The following PLEK variants were observed in gnomAD, a reference collection of about 807,000 sequenced individuals.
PLEK encodes the protein pleckstrin, also known as platelet 47 kDa protein.
A neutral mutation model predicts 43.9 loss-of-function variants in PLEK; 25 were observed. That is an observed-to-expected ratio of 0.57 (90% CI 0.41 to 0.79). The LOEUF (loss-of-function observed/expected upper bound fraction) is 0.79, where lower values mean the gene tolerates loss of function less well. PLEK is among the 30% of genes least tolerant of loss of function. PLEK has a pLI of 0.00. For synonymous variants in PLEK, 152 were observed against 144.4 expected (o/e 1.05, Z -0.38); for missense variants, 396 against 413.3 (o/e 0.96, Z 0.36).
At position 68,382,645 on chromosome 2, in the gene PLEK, T is replaced by C. The variant is rs1403258148; in HGVS notation, c.472+12T>C. On this transcript the variant is annotated intron_variant, in intron 4 of 8. Coordinates refer to ENST00000234313, the MANE Select transcript of PLEK (RefSeq NM_002664.3). ...TCACTGCTTCACAGGTAAAAGCACT[T>C]GCAGGCCTGAAATAGGGCGACTGGG... The C allele has an allele frequency of 6.7e-7, 1 of 1,490,112 alleles. No homozygotes were observed. The allele number at this position is 1,490,112 out of a possible 1,614,324, so 92.3% of individuals were successfully genotyped here.
chr2:68,385,118 A>T (rs937237314), intron 4 of PLEK, among the ~76,000 whole-genome samples: 7 of 152,094 alleles, frequency 4.6e-5, no homozygotes, highest in African/African-American at 1.7e-4. Context: ...ACTGCTTTTT[A>T]TTTTTATCTT....
rs551905109 is a variant in PLEK, at chr2:68,373,304, A to G, written c.43-7024A>G. Reference sequence around the variant, plus strand: ...TAAGTGGTCAGATTTCTCTTGTTTCATAAAGTATCAGCCTCTTCATTGTGC... The same window carrying G: ...TAAGTGGTCAGATTTCTCTTGTTTCGTAAAGTATCAGCCTCTTCATTGTGC... On this transcript the variant is annotated intron_variant, in intron 1 of 8. Coordinates refer to ENST00000234313, the MANE Select transcript of PLEK (RefSeq NM_002664.3). 5.1e-4 allele frequency among the ~76,000 whole-genome samples: 77 copies of G among 152,228 alleles called. 1 individual carries two copies. The Middle Eastern group carries it at 0.01, about 20-fold the overall frequency.
At chr2:68,394,601 C>T (rs1392328122) in intron 8 of PLEK, among the ~76,000 whole-genome samples, 2 of 151,884 alleles carry the variant, frequency 1.3e-5, no homozygotes. Context: ...TTTTTTGTCT[C>T]CCAACTGCTG....
At chr2:68,382,072 T>C (rs574629802) in intron 3 of PLEK, among the ~76,000 whole-genome samples, 9 of 152,338 alleles carry the variant, frequency 5.9e-5, no homozygotes, top group Non-Finnish European at 1.0e-4. Context: ...ATAAGACATA[T>C]GCTTAGTGGA....
intron 3 of PLEK, 113 bp downstream of exon 3, chr2:68,381,017 G>GTATTGACCTGGCAGAGT: frequency 4.7e-6 from 4 of 848,706 alleles, no homozygotes; most frequent in Non-Finnish European, 7.5e-6. Context: ...CACTCTGCCA[G>GTATTGACCTGGCAGAGT]GTCAATACTG....
intron 1 of PLEK, among the ~76,000 whole-genome samples, chr2:68,379,416 A>G (rs1344692952): frequency 6.6e-6 from 1 of 152,196 alleles, no homozygotes; most frequent in Non-Finnish European, 1.5e-5. Flanking sequence ...ACCCTGAAAA[A>G]TGAAAACCCT....
intron 3 of PLEK, 107 bp downstream of exon 3, chr2:68,381,011 C>A: frequency 1.1e-6 from 1 of 940,020 alleles, no homozygotes; most frequent in South Asian, 1.6e-5. Flanking sequence ...TGTATCCACT[C>A]TGCCAGGTCA....
intron 1 of PLEK, among the ~76,000 whole-genome samples, chr2:68,366,353 A>G (rs1238867453): frequency 6.6e-6 from 1 of 152,232 alleles, no homozygotes; most frequent in Non-Finnish European, 1.5e-5. Flanking sequence ...AATAGCACAC[A>G]TTGCTGCCTG....
intron 1 of PLEK, among the ~76,000 whole-genome samples, chr2:68,372,550 C>T (rs549077854): frequency 1.3e-5 from 2 of 152,152 alleles, no homozygotes; most frequent in South Asian, 2.1e-4. Context: ...CAATGTCAGA[C>T]TCTTAGGTGC....
At chr2:68,379,023 A>G (rs544839226) in intron 1 of PLEK, among the ~76,000 whole-genome samples, 1 of 152,250 alleles carries the variant, frequency 6.6e-6, no homozygotes, top group East Asian at 1.9e-4. Flanking sequence ...AATCCCAGCT[A>G]CCTGGGAGGC....
intron 4 of PLEK, among the ~76,000 whole-genome samples, chr2:68,384,314 C>G (rs1673694890): frequency 6.6e-6 from 1 of 152,088 alleles, no homozygotes; most frequent in African/African-American, 2.4e-5. Context: ...CCTCTGCCGC[C>G]CGGGTTCAAG....
rs192274330 is a variant in PLEK, at chr2:68,393,350, C to T, written c.846+105C>T. Reference sequence around the variant, plus strand: ...TACTCTGTTGATATCCCCTTTTTCTCTTTACTGGCCCACTTTTTTTTCTCC... The same window carrying T: ...TACTCTGTTGATATCCCCTTTTTCTTTTTACTGGCCCACTTTTTTTTCTCC... On this transcript the variant is annotated intron_variant, in intron 7 of 8. Coordinates refer to ENST00000234313, the MANE Select transcript of PLEK (RefSeq NM_002664.3). The T allele has an allele frequency of 2.6e-3, 2,010 of 759,400 alleles. 5 individuals are homozygous for T. Among genetic ancestry groups the T allele is most frequent in the Non-Finnish European group, 3.8e-3 (1,635 of 431,314 alleles). The allele number at this position is 759,400 out of a possible 1,614,324, so 47.0% of individuals were successfully genotyped here. A position where few individuals can be genotyped will look rare whatever the true frequency, so the allele number is the denominator to read the frequency against.
rs1402865260 is a variant in PLEK, at chr2:68,397,349, T to A, written c.*1533T>A. Reference sequence around the variant, plus strand: ...TTTTCTCTGATTCTTTAATAAATTATCTTTATAGAATATGCACAAGTTTTT... The same window carrying A: ...TTTTCTCTGATTCTTTAATAAATTAACTTTATAGAATATGCACAAGTTTTT... On this transcript the variant is annotated 3_prime_UTR_variant, in exon 9 of 9. Transcript: ENST00000234313. 1 of 152,322 alleles carries A rather than the reference T, an allele frequency of 6.6e-6. No homozygotes were observed. Among genetic ancestry groups the A allele is most frequent in the South Asian group, 2.1e-4 (1 of 4,826 alleles). 9.4% of individuals were successfully genotyped at this position (152,322 alleles called of 1,614,324 possible).
chr2:68,374,269 CCT>C (rs1673462515), intron 1 of PLEK, among the ~76,000 whole-genome samples: 2 of 152,118 alleles, frequency 1.3e-5, no homozygotes, highest in East Asian at 3.8e-4. Flanking sequence ...AATAAAATGA[CCT>C]TATCTAATAC....
chr2:68,369,008 G>A (rs952978902), intron 1 of PLEK, among the ~76,000 whole-genome samples: 18 of 152,182 alleles, frequency 1.2e-4, no homozygotes, highest in Non-Finnish European at 2.9e-5. Context: ...CGAGAGTCAG[G>A]GTCCTGGCCC....
chr2:68,376,706 A>G (rs1573072583), intron 1 of PLEK, among the ~76,000 whole-genome samples: 1 of 152,216 alleles, frequency 6.6e-6, no homozygotes, highest in East Asian at 1.9e-4. Flanking sequence ...TGCAATGAGT[A>G]ATAATAACAC....
At position 68,372,103 on chromosome 2, in the gene PLEK, A is replaced by G. The variant is rs184936488; in HGVS notation, c.42+6710A>G. On this transcript the variant is annotated intron_variant, in intron 1 of 8. Transcript: ENST00000234313. Reference sequence around the variant, plus strand: ...GAATTAAGGATATTAATTTTTAATCATATGATGATACAAATATCTATGCAT... The same window carrying G: ...GAATTAAGGATATTAATTTTTAATCGTATGATGATACAAATATCTATGCAT... 2.5e-4 allele frequency among the ~76,000 whole-genome samples: 38 copies of G among 152,312 alleles called. 1 individual carries two copies. The East Asian group carries it at 4.4e-3, about 18-fold the overall frequency.
At position 68,376,747 on chromosome 2, in the gene PLEK, G is replaced by A. The variant is rs144906187; in HGVS notation, c.43-3581G>A. 3.5e-3 allele frequency among the ~76,000 whole-genome samples: 539 copies of A among 152,190 alleles called. 19 individuals are homozygous for A. The East Asian group carries it at 0.089, about 25-fold the overall frequency. On this transcript the variant is annotated intron_variant, in intron 1 of 8. Transcript: ENST00000234313. ...AGAATGGGGTATCCATCCCCACTAA[G>A]CATTTATCCTTTGTGTTACAAACAA... is the stretch of plus-strand genomic sequence containing the variant.
chr2:68,388,552 A>G (rs1309721284), intron 6 of PLEK, 61 bp downstream of exon 6: 28 of 884,568 alleles, frequency 3.2e-5, no homozygotes, highest in Non-Finnish European at 4.7e-5. Flanking sequence ...TTTTGTTTCT[A>G]AGTTACCCAG....
Sources: allele counts gnomAD v4.1 joint callset (sites outside exome capture counted in the v4.1 genomes callset), GRCh38; gene constraint gnomAD v4.1.1; transcripts MANE v1.5; gene names NCBI Gene and HGNC (gene_info 2026-07-23, HGNC 2026-07-21).